FADS6: variants seen among roughly 807,000 people sequenced by gnomAD.
FADS6 encodes fatty acid desaturase domain family, member 6.
In FADS6, 28 loss-of-function variants were observed where a neutral mutation model predicts 31.7. That is an observed-to-expected ratio of 0.88 (90% CI 0.66 to 1.21). FADS6 has a LOEUF of 1.21. Among genes scored for constraint, FADS6 ranks in the 50% most tolerant of loss-of-function variants. The pLI is 0.00. For missense variants in FADS6, 494 were observed against 504.2 expected (o/e 0.98, Z 0.19); for synonymous variants, 191 against 213.1 (o/e 0.90, Z 0.90).
intron 2 of FADS6, chr17:74,882,966 C>T (rs1370384916): frequency 8.9e-6 from 8 of 896,774 alleles, no homozygotes; most frequent in African/African-American, 1.7e-5. Context: ...AGGCTGGACC[C>T]CTGGAGTGCC....
chr17:74,889,582 A>G (rs1168224637), intron 2 of FADS6, among the ~76,000 whole-genome samples: 3 of 151,826 alleles, frequency 2.0e-5, no homozygotes, highest in African/African-American at 7.3e-5. Flanking sequence ...AAAAAAAAAA[A>G]AGGCCGGGTA....
At chr17:74,882,740 G>A in intron 2 of FADS6, 30 bp from the exon 3 acceptor site, 5 of 1,593,068 alleles carry the variant, frequency 3.1e-6, no homozygotes, top group Non-Finnish European at 1.7e-6. Context: ...ATGACACTGG[G>A]GTCCCTGTCA....
At chr17:74,884,261 G>A (rs368230347) in intron 2 of FADS6, among the ~76,000 whole-genome samples, 88 of 152,284 alleles carry the variant, frequency 5.8e-4, no homozygotes, top group African/African-American at 1.9e-3. Flanking sequence ...GAGCCAGCCC[G>A]AAGAGTTCCC....
intron 4 of FADS6, among the ~76,000 whole-genome samples, chr17:74,880,263 C>CACTA (rs2038553837): frequency 6.6e-6 from 1 of 152,108 alleles, no homozygotes; most frequent in Non-Finnish European, 1.5e-5. Flanking sequence ...TCGGGGCAGG[C>CACTA]ACTAGGGGCC....
chr17:74,880,050 G>A lies in FADS6; in HGVS notation c.781-467C>T, dbSNP rs1389627689. Among the ~76,000 whole-genome samples, 4 of 152,182 alleles carry A rather than the reference G, an allele frequency of 2.6e-5. No individual in the cohort carries two copies. In the South Asian group the frequency reaches 8.3e-4, roughly 31 times the overall value. On this transcript the variant is annotated intron_variant, in intron 4 of 5. Coordinates refer to ENST00000612771, the MANE Select transcript of FADS6 (RefSeq NM_178128.6). The stretch of plus-strand genomic sequence containing the variant: ...ATGACCAGGAGCTTCGGTGGTTTCA[G>A]GACAGAACTCAATTATGGGATTAAG...
rs544604824 is a variant in FADS6, at chr17:74,887,930, C to A, written c.411+4593G>T. 4.7e-4 allele frequency among the ~76,000 whole-genome samples: 71 copies of A among 152,284 alleles called. 1 individual carries two copies. The highest frequency in any genetic ancestry group is 7.8e-4 in the Non-Finnish European group (53 of 68,028). ...CTCTATCTCCTGACCTCGTGATCCA[C>A]CCTCCTCGGCCTCCCAAAGTGCTGG... On this transcript the variant is annotated intron_variant, in intron 2 of 5. Transcript: ENST00000612771.
chr17:74,883,546 C>T (rs922755911), intron 2 of FADS6, among the ~76,000 whole-genome samples: 2 of 152,240 alleles, frequency 1.3e-5, no homozygotes, highest in Non-Finnish European at 2.9e-5. Flanking sequence ...GCAGAGGGCT[C>T]ACTGCACCAG....
At chr17:74,884,307 A>G (rs1251465592) in intron 2 of FADS6, among the ~76,000 whole-genome samples, 9 of 152,224 alleles carry the variant, frequency 5.9e-5, no homozygotes, top group Non-Finnish European at 1.3e-4. Context: ...ACGCTCCCTG[A>G]GCAAGACTGA....
At chr17:74,885,922 G>C (rs1217851831) in intron 2 of FADS6, among the ~76,000 whole-genome samples, 3 of 152,126 alleles carry the variant, frequency 2.0e-5, no homozygotes, top group African/African-American at 7.2e-5. Flanking sequence ...AGGTGGCCAA[G>C]GCAGGCAGAT....
chr17:74,889,709 AC>A (rs1395954098), intron 2 of FADS6, among the ~76,000 whole-genome samples: 2 of 151,370 alleles, frequency 1.3e-5, no homozygotes, highest in African/African-American at 2.4e-5. Flanking sequence ...CTACAAAAAT[AC>A]AAAAAAAAAA....
At chr17:74,890,244 C>A (rs927912613) in intron 2 of FADS6, among the ~76,000 whole-genome samples, 1 of 152,138 alleles carries the variant, frequency 6.6e-6, no homozygotes, top group African/African-American at 2.4e-5. Flanking sequence ...AGGCGTGAGC[C>A]CCACTGTCCT....
intron 2 of FADS6, among the ~76,000 whole-genome samples, chr17:74,888,140 A>T (rs112652747): frequency 9.0e-6 from 1 of 111,320 alleles, no homozygotes; most frequent in Admixed American, 8.7e-5. Flanking sequence ...ACACACACAC[A>T]CACACACACA....
intron 2 of FADS6, among the ~76,000 whole-genome samples, chr17:74,891,184 C>T (rs185891132): frequency 2.8e-5 from 4 of 142,550 alleles, no homozygotes; most frequent in East Asian, 2.0e-4. Context: ...ATTACAGGTG[C>T]GTGCCACCAT....
rs977368728 is a variant in FADS6, at chr17:74,878,159, G to A, written c.*172C>T. 14 of 1,422,646 alleles carry A rather than the reference G, an allele frequency of 9.8e-6. No homozygotes were observed. The Admixed American group carries it at 1.5e-4, about 15-fold the overall frequency. The allele number at this position is 1,422,646 out of a possible 1,614,324, so 88.1% of individuals were successfully genotyped here. A position where few individuals can be genotyped will look rare whatever the true frequency, so the allele number is the denominator to read the frequency against. On this transcript the variant is annotated 3_prime_UTR_variant, in exon 6 of 6. Transcript: ENST00000612771. Reference sequence around the variant, plus strand: ...CCTCAAAACCCAGAAAAGCACGCAAGGCAGGTGGCCCCCAGACCCCAGGCC... The same window carrying A: ...CCTCAAAACCCAGAAAAGCACGCAAAGCAGGTGGCCCCCAGACCCCAGGCC...
At chr17:74,891,544 G>C (rs952285044) in intron 2 of FADS6, among the ~76,000 whole-genome samples, 1 of 152,040 alleles carries the variant, frequency 6.6e-6, no homozygotes, top group Non-Finnish European at 1.5e-5. Flanking sequence ...CCGTGGGAAA[G>C]GAATTGTCTT....
chr17:74,883,589 G>A (rs987569285), intron 2 of FADS6, among the ~76,000 whole-genome samples: 8 of 152,188 alleles, frequency 5.3e-5, no homozygotes, highest in Admixed American at 5.2e-4. Context: ...ACTTCCTGAG[G>A]GCGGTGGCGG....
At chr17:74,879,612 C>A in intron 4 of FADS6, 29 bp from the exon 5 acceptor site, 2 of 1,592,954 alleles carry the variant, frequency 1.3e-6, no homozygotes, top group Non-Finnish European at 1.7e-6. Flanking sequence ...TCACGCCGGG[C>A]AGCCTGGACC....
Position 74,881,264 on chromosome 17 carries a change from GA to G in FADS6, c.593-10del. 6.3e-7 allele frequency: 1 copy of G among 1,585,744 alleles called. No individual in the cohort carries two copies. Among genetic ancestry groups the G allele is most frequent in the Non-Finnish European group, 8.6e-7 (1 of 1,166,810 alleles). On this transcript the variant is annotated splice_polypyrimidine_tract_variant and intron_variant, in intron 3 of 5. Coordinates refer to ENST00000612771, the MANE Select transcript of FADS6 (RefSeq NM_178128.6). ...CACCTTCCTCAGCCGCTCTGCCATA[GA>G]GGGAGGGGACAGGCAAGGCTCAGAT...
At chr17:74,883,346 A>G (rs1277261557) in intron 2 of FADS6, among the ~76,000 whole-genome samples, 1 of 152,236 alleles carries the variant, frequency 6.6e-6, no homozygotes, top group Non-Finnish European at 1.5e-5. Flanking sequence ...TCTGGAATGC[A>G]AAAGCCACGC....
Sources: allele counts gnomAD v4.1 joint callset (sites outside exome capture counted in the v4.1 genomes callset), GRCh38; gene constraint gnomAD v4.1.1; transcripts MANE v1.5; gene names NCBI Gene and HGNC (gene_info 2026-07-23, HGNC 2026-07-21).